SLC24A1: variants seen among roughly 807,000 people sequenced by gnomAD.
SLC24A1 encodes the protein sodium/potassium/calcium exchanger 1.
A neutral mutation model predicts 88.1 loss-of-function variants in SLC24A1; 52 were observed. The ratio of observed to expected loss-of-function variants is 0.59; its 90% confidence interval spans 0.47 to 0.74. SLC24A1 has a LOEUF of 0.74. SLC24A1 is among the 30% of genes least tolerant of loss of function. The probability of loss-of-function intolerance (pLI) is 0.00; values close to 1 mark genes in which losing one functional copy is unlikely to be tolerated. For synonymous variants in SLC24A1, 455 were observed against 498.0 expected (o/e 0.91, Z 1.15); for missense variants, 1,173 against 1,363.3 (o/e 0.86, Z 2.20).
At chr15:65,652,031 C>T (rs778024717) in intron 8 of SLC24A1, 7 of 438,092 alleles carry the variant, frequency 1.6e-5, no homozygotes, top group Non-Finnish European at 3.0e-5. Flanking sequence ...TTATTTCCTG[C>T]TTTCTCTGCC....
rs367903341 is a variant in SLC24A1, at chr15:65,624,686, G to A, written c.606G>A (p.Pro202=). ...PRGRRVGTYV[P]STFMTMETSH... is the part of the protein sequence containing the mutation. ...GTAGAAGAGTAGGCACTTACGTGCC[G>A]TCCACATTCATGACAATGGAAACAA... Residue 202 remains proline, a synonymous_variant, in exon 2 of 10, where the codon CCG becomes CCA. Transcript: ENST00000261892. 156 of 1,604,674 alleles carry A rather than the reference G, an allele frequency of 9.7e-5. No individual in the cohort carries two copies. Among genetic ancestry groups the A allele is most frequent in the South Asian group, 3.1e-4 (28 of 89,812 alleles).
At chr15:65,639,913 C>T (rs2075067569) in intron 4 of SLC24A1, among the ~76,000 whole-genome samples, 1 of 152,198 alleles carries the variant, frequency 6.6e-6, no homozygotes, top group South Asian at 2.1e-4. Flanking sequence ...CAACAAAGAA[C>T]ATGGAGGCTA....
In SLC24A1 at chr15:65,654,702, A is replaced by AT. The variant is rs760067042; in HGVS notation, c.*627dup. 2 of 1,229,948 alleles carry AT rather than the reference A, an allele frequency of 1.6e-6. No individual in the cohort carries two copies. Among genetic ancestry groups the AT allele is most frequent in the Non-Finnish European group, 2.1e-6 (2 of 948,778 alleles). The allele number at this position is 1,229,948 out of a possible 1,614,324, so 76.2% of individuals were successfully genotyped here. ...CCACTGCATCTGGATATATACCAGT[A>AT]TTTTCTTTTTTTTTTTTTTTGAGAC... On this transcript the variant is annotated 3_prime_UTR_variant, in exon 10 of 10. Coordinates refer to ENST00000261892, the MANE Select transcript of SLC24A1 (RefSeq NM_004727.3).
upstream of SLC24A1, among the ~76,000 whole-genome samples, chr15:65,618,572 T>C (rs2074222910): frequency 6.6e-6 from 1 of 152,224 alleles, no homozygotes; most frequent in African/African-American, 2.4e-5. Context: ...AGGAGGGACA[T>C]TATCTGATTT....
chr15:65,628,889 CT>C lies in SLC24A1; in HGVS notation c.1890+2923del, dbSNP rs1047001617. Among the ~76,000 whole-genome samples the C allele has an allele frequency of 9.2e-5, 14 of 152,204 alleles. 1 individual carries two copies. The South Asian group carries it at 1.9e-3, about 20-fold the overall frequency. On this transcript the variant is annotated intron_variant, in intron 2 of 9. Coordinates refer to ENST00000261892, the MANE Select transcript of SLC24A1 (RefSeq NM_004727.3). Reference sequence around the variant, plus strand: ...TGCAAAGTGCTACAAAGCCACTTTGCTTTTCAAACAGGACTTAGGTTGCTCG... The same window carrying C: ...TGCAAAGTGCTACAAAGCCACTTTGCTTTCAAACAGGACTTAGGTTGCTCG...
Position 65,625,352 on chromosome 15 carries a change from C to T in SLC24A1, c.1272C>T (p.Pro424=), listed in dbSNP as rs929470639. The change falls in exon 2 of 10, where the codon CCC becomes CCT. Residue 424 remains proline (P), a synonymous_variant. Transcript: ENST00000261892. ...ALLPEELSPS[P]SVLPPSLPDL... ...TCCCAGAGGAGCTCAGTCCTAGTCC[C>T]TCAGTGCTGCCTCCCAGCTTGCCAG... is the stretch of plus-strand genomic sequence containing the variant. The T allele has an allele frequency of 3.1e-6, 5 of 1,613,934 alleles. No individual in the cohort carries two copies. The Admixed American group carries it at 5.0e-5, about 16-fold the overall frequency.
Position 65,625,419 on chromosome 15 carries a change from G to T in SLC24A1, c.1339G>T (p.Val447Leu). The T allele has an allele frequency of 6.2e-7, 1 of 1,614,078 alleles. No homozygotes were observed. Among genetic ancestry groups the T allele is most frequent in the Non-Finnish European group, 8.5e-7 (1 of 1,179,908 alleles). Residue 447 changes from valine (V) to leucine (L), a missense_variant, in exon 2 of 10, where the codon GTG becomes TTG. Transcript: ENST00000261892. ...KGEYPPDLFS[V>L]EERRQGWVVL... ...AGAGTACCCCCCAGATCTGTTCAGTGTGGAGGAGCGGCGGCAGGGCTGGGT... is the reference window on the plus strand; with the variant it reads ...AGAGTACCCCCCAGATCTGTTCAGTTTGGAGGAGCGGCGGCAGGGCTGGGT...
chr15:65,652,037 C>T, intron 8 of SLC24A1: 1 of 423,566 alleles, frequency 2.4e-6, no homozygotes, highest in Non-Finnish European at 4.5e-6. Context: ...CCTGCTTTCT[C>T]TGCCATGTAC....
chr15:65,645,665 G>T lies in SLC24A1; in HGVS notation c.2194G>T (p.Asp732Tyr). The T allele has an allele frequency of 6.3e-7, 1 of 1,580,476 alleles. No homozygotes were observed. Among genetic ancestry groups the T allele is most frequent in the African/African-American group, 1.3e-5 (1 of 74,262 alleles). ...CACGGTCACACCAGCCCCTGTTCCA[G>T]ACATCAAGGGAGATCAGAAGGAGAA... Reference protein sequence around the residue: ...AVTVTPAPVPDIKGDQKENPG... With the variant: ...AVTVTPAPVPYIKGDQKENPG... The change falls in exon 6 of 10, where the codon GAC becomes TAC. Residue 732 changes from aspartate to tyrosine, a missense_variant. Physicochemically the swap from Asp to Tyr is radical, Grantham distance 160. Coordinates refer to ENST00000261892, the MANE Select transcript of SLC24A1 (RefSeq NM_004727.3).
At chr15:65,621,647 G>T (rs548041023), upstream of SLC24A1, among the ~76,000 whole-genome samples, 1 of 152,086 alleles carries the variant, frequency 6.6e-6, no homozygotes, top group Non-Finnish European at 1.5e-5. Context: ...CTTTCCCTTC[G>T]TTTTCTCAGA....
In SLC24A1 at chr15:65,650,095, A is replaced by C. The variant is rs939691373; in HGVS notation, c.2233-287A>C. ...GAGTAAACCTATACATGGGGGTAGA[A>C]CTTTGATATAAATATGGACTTCAGA... On this transcript the variant is annotated intron_variant, in intron 6 of 9. Coordinates refer to ENST00000261892, the MANE Select transcript of SLC24A1 (RefSeq NM_004727.3). The surrounding 1 kb of genome is among the most constrained non-coding windows in gnomAD (Gnocchi z 4.1). 6.6e-6 allele frequency among the ~76,000 whole-genome samples: 1 copy of C among 152,224 alleles called. No homozygotes were observed.
rs139757342 is a variant in SLC24A1, at chr15:65,653,851, T to C, written c.3072T>C (p.Leu1024=). 1.2e-6 allele frequency: 2 copies of C among 1,613,918 alleles called. No individual in the cohort carries two copies. Among genetic ancestry groups the C allele is most frequent in the African/African-American group, 1.3e-5 (1 of 75,038 alleles). The change falls in exon 10 of 10, where the codon CTT becomes CTC. Residue 1024 remains leucine (L), a synonymous_variant. Coordinates refer to ENST00000261892, the MANE Select transcript of SLC24A1 (RefSeq NM_004727.3). ...GCAGCTTGCCTGTTCCTTGGTTGCT[T>C]TTCTCTCTTATCAATGGATTACAGC... ...ITVGLPVPWL[L]FSLINGLQPV...
At chr15:65,637,111 A>G (rs57840714) in intron 2 of SLC24A1, among the ~76,000 whole-genome samples, 1 of 149,828 alleles carries the variant, frequency 6.7e-6, no homozygotes, top group Admixed American at 6.6e-5. Context: ...TGCTTTTTTT[A>G]AAAAAAAAGT....
intron 8 of SLC24A1, 116 bp from the exon 9 acceptor site, chr15:65,652,526 T>C (rs2075541773): frequency 8.0e-6 from 7 of 872,978 alleles, no homozygotes. Context: ...TCACTCAGGC[T>C]GAGGGGGTGT....
At chr15:65,615,000 G>A (rs2074091165) in intron 2 of SLC24A1, among the ~76,000 whole-genome samples, 1 of 152,174 alleles carries the variant, frequency 6.6e-6, no homozygotes, top group South Asian at 2.1e-4. Context: ...AGAATCGCTT[G>A]AGCCCAGCTG....
chr15:65,650,765 G>C lies in SLC24A1; in HGVS notation c.2616G>C (p.Glu872Asp), dbSNP rs772502851. The part of the protein sequence containing the change: ...EEEEEEEQEE[E>D]EEEEEQEEEE... Reference sequence around the variant, plus strand: ...AGGAGGAGGAAGAGCAGGAGGAAGAGGAGGAGGAGGAAGAGCAGGAGGAAG... The same window carrying C: ...AGGAGGAGGAAGAGCAGGAGGAAGACGAGGAGGAGGAAGAGCAGGAGGAAG... The change falls in exon 7 of 10, where the codon GAG becomes GAC. Residue 872 changes from glutamate (E) to aspartate (D), a missense_variant. Physicochemically the swap from Glu to Asp is conservative, Grantham distance 45. Coordinates refer to ENST00000261892, the MANE Select transcript of SLC24A1 (RefSeq NM_004727.3). This position sits in a 1 kb window ranked among gnomAD's most constrained non-coding sequence, Gnocchi z 4.1. The C allele has an allele frequency of 6.2e-7, 1 of 1,603,994 alleles. No individual in the cohort carries two copies.
At chr15:65,659,857 A>G (rs1273368188), downstream of SLC24A1, 1 of 155,206 alleles carries the variant, frequency 6.4e-6, no homozygotes, top group South Asian at 2.0e-4. Flanking sequence ...GTAAAACCAT[A>G]AAGAATGGTT....
chr15:65,631,807 G>A (rs1371958031), intron 2 of SLC24A1, among the ~76,000 whole-genome samples: 2 of 152,120 alleles, frequency 1.3e-5, no homozygotes, highest in African/African-American at 4.8e-5. Flanking sequence ...GCAGGGCCCT[G>A]TGCATCAGAT....
At chr15:65,649,706 A>G (rs1437907902) in intron 6 of SLC24A1, among the ~76,000 whole-genome samples, 1 of 152,182 alleles carries the variant, frequency 6.6e-6, no homozygotes, top group African/African-American at 2.4e-5. Flanking sequence ...GCACATAAAA[A>G]CCCTCAATAA....
Sources: allele counts gnomAD v4.1 joint callset (sites outside exome capture counted in the v4.1 genomes callset), GRCh38; gene constraint gnomAD v4.1.1; non-coding constraint Gnocchi (gnomAD v3.1); transcripts MANE v1.5; gene names NCBI Gene and HGNC (gene_info 2026-07-23, HGNC 2026-07-21).